Variants in COLQ observed in about 807,000 individuals in gnomAD.
COLQ encodes acetylcholinesterase collagenic tail peptide.
A neutral mutation model predicts 69.0 loss-of-function variants in COLQ; 48 were observed. The observed-to-expected ratio is 0.70, with a 90% CI of 0.55 to 0.88. The LOEUF is 0.88. Among genes scored for constraint, COLQ ranks in the 40% least tolerant of loss-of-function variants. COLQ has a pLI of 0.00. For synonymous variants in COLQ, 217 were observed against 211.2 expected (o/e 1.03, Z -0.24); for missense variants, 618 against 594.6 (o/e 1.04, Z -0.41).
chr3:15,460,206 G>A (rs1375040828), intron 12 of COLQ, among the ~76,000 whole-genome samples: 2 of 152,208 alleles, frequency 1.3e-5, no homozygotes, highest in East Asian at 1.9e-4. Context: ...GCTAGTGCCT[G>A]TTTTCATCCA....
intron 1 of COLQ, among the ~76,000 whole-genome samples, chr3:15,519,158 AC>A (rs74662695): frequency 0.096 from 14,560 of 151,984 alleles, 944 homozygotes; most frequent in East Asian, 0.33. Flanking sequence ...TGAGCTGGTT[AC>A]CTTAGTGATT....
Position 15,517,294 on chromosome 3 carries a change from T to G in COLQ, c.106+4226A>C, listed in dbSNP as rs1024344803. Among the ~76,000 whole-genome samples, 5 of 152,248 alleles carry G rather than the reference T, an allele frequency of 3.3e-5. No homozygotes were observed. The South Asian group carries it at 8.3e-4, about 25-fold the overall frequency. On this transcript the variant is annotated intron_variant, in intron 1 of 16. Coordinates refer to ENST00000383788, the MANE Select transcript of COLQ (RefSeq NM_005677.4). ...AGCCCTGGACTTAAAGAAGCAGGATTTCAGTCTCCAGCTCTCCCACATAAC... is the reference window on the plus strand; with the variant it reads ...AGCCCTGGACTTAAAGAAGCAGGATGTCAGTCTCCAGCTCTCCCACATAAC...
intron 16 of COLQ, 23 bp from the exon 17 acceptor site, chr3:15,451,736 C>A (rs1195864000): frequency 6.2e-7 from 1 of 1,606,052 alleles, no homozygotes; most frequent in Non-Finnish European, 8.5e-7. Flanking sequence ...AAGACACGTT[C>A]TAAAAGGCCA....
In COLQ at chr3:15,451,562, G is replaced by A. The variant is rs1265225968; in HGVS notation, c.*82C>T. ...GTCACACAAAGGTTGGTGGAGACGGGGCCAGGACATGGCCAGTTTGATGAC... is the reference window on the plus strand; with the variant it reads ...GTCACACAAAGGTTGGTGGAGACGGAGCCAGGACATGGCCAGTTTGATGAC... On this transcript the variant is annotated 3_prime_UTR_variant, in exon 17 of 17. Transcript: ENST00000383788. The A allele has an allele frequency of 2.3e-6, 3 of 1,312,396 alleles. No homozygotes were observed. The Admixed American group carries it at 5.0e-5, about 22-fold the overall frequency. The allele number at this position is 1,312,396 out of a possible 1,614,324, so 81.3% of individuals were successfully genotyped here.
intron 1 of COLQ, among the ~76,000 whole-genome samples, chr3:15,510,493 A>G (rs1286625207): frequency 6.7e-6 from 1 of 149,144 alleles, no homozygotes; most frequent in Non-Finnish European, 1.5e-5. Context: ...TGGATCGCTG[A>G]CCCCAGGAGT....
intron 13 of COLQ, among the ~76,000 whole-genome samples, chr3:15,456,914 C>T (rs964590865): frequency 2.6e-5 from 4 of 152,004 alleles, no homozygotes; most frequent in African/African-American, 7.2e-5. Context: ...CCTCTGCCTC[C>T]CGGGTTCAAG....
At chr3:15,459,791 T>TTTATTATTA (rs3067773) in intron 12 of COLQ, among the ~76,000 whole-genome samples, 127 of 150,102 alleles carry the variant, frequency 8.5e-4, no homozygotes, top group African/African-American at 2.9e-3. Flanking sequence ...GCACCCATAT[T>TTTATTATTA]TTATTATTAT....
At chr3:15,490,778 C>A (rs1422684541) in intron 1 of COLQ, among the ~76,000 whole-genome samples, 2 of 152,214 alleles carry the variant, frequency 1.3e-5, no homozygotes, top group African/African-American at 4.8e-5. Flanking sequence ...CATTAGCTGG[C>A]CAGAATGTAA....
In COLQ at chr3:15,450,134, G is replaced by A. The variant is rs1226980306; in HGVS notation, c.*1510C>T. On this transcript the variant is annotated 3_prime_UTR_variant, in exon 17 of 17. Transcript: ENST00000383788. The stretch of plus-strand genomic sequence containing the variant: ...CACCAACGGAAGAGAGAGCCACAGT[G>A]GGGAAATGAACTGCCTTTATTTTTT... 1 of 153,166 alleles carries A rather than the reference G, an allele frequency of 6.5e-6. No individual in the cohort carries two copies. The highest frequency in any genetic ancestry group is 6.5e-5 in the Admixed American group (1 of 15,282). The allele number at this position is 153,166 out of a possible 1,614,324, so 9.5% of individuals were successfully genotyped here.
Position 15,474,233 on chromosome 3 carries a change from C to T in COLQ, c.595G>A (p.Glu199Lys). The change falls in exon 9 of 17, where the codon GAA (glutamate) becomes AAA (lysine). Residue 199 changes from glutamate (E) to lysine (K), a missense_variant. Coordinates refer to ENST00000383788, the MANE Select transcript of COLQ (RefSeq NM_005677.4). ...GGAAAGGTTTTCTCCATTACCTTTT[C>T]TCCTTTGGGACCCAGGTCACCCTTT... is the stretch of plus-strand genomic sequence containing the variant. ...GEKGDLGPKG[E>K]KGFPGFPGML... 1 of 1,614,102 alleles carries T rather than the reference C, an allele frequency of 6.2e-7. No individual in the cohort carries two copies. Among genetic ancestry groups the T allele is most frequent in the Non-Finnish European group, 8.5e-7 (1 of 1,179,942 alleles).
chr3:15,455,040 T>C (rs531425517), intron 15 of COLQ, among the ~76,000 whole-genome samples: 94 of 152,242 alleles, frequency 6.2e-4, no homozygotes, highest in African/African-American at 2.2e-3. Flanking sequence ...GCCTGGATCT[T>C]TAGAGCAGGG....
At chr3:15,508,131 T>A (rs564793746) in intron 1 of COLQ, among the ~76,000 whole-genome samples, 3 of 152,324 alleles carry the variant, frequency 2.0e-5, no homozygotes, top group African/African-American at 7.2e-5. Context: ...ACAAGGTTTT[T>A]TCTAATCATT....
At chr3:15,462,597 T>C (rs1455506655) in intron 12 of COLQ, among the ~76,000 whole-genome samples, 1 of 152,162 alleles carries the variant, frequency 6.6e-6, no homozygotes, top group Admixed American at 6.5e-5. Flanking sequence ...GAAGCAGCCC[T>C]GTCCACCCAC....
At chr3:15,475,811 C>G (rs2305614) in intron 6 of COLQ, among the ~76,000 whole-genome samples, 61,097 of 151,886 alleles carry the variant, frequency 0.4, 12,379 homozygotes, top group East Asian at 0.49. Context: ...GGGGGCATGA[C>G]GGAACTGGGG....
chr3:15,502,486 G>A (rs2062845123), intron 1 of COLQ, among the ~76,000 whole-genome samples: 2 of 152,012 alleles, frequency 1.3e-5, no homozygotes. Context: ...CACAATCCTG[G>A]CTCACTGCAA....
intron 1 of COLQ, among the ~76,000 whole-genome samples, chr3:15,514,426 G>A (rs1030096944): frequency 5.3e-5 from 8 of 152,152 alleles, no homozygotes; most frequent in African/African-American, 1.4e-4. Flanking sequence ...CATGCTGGCC[G>A]TAGTTCAGTG....
chr3:15,461,505 A>G (rs886429719), intron 12 of COLQ, among the ~76,000 whole-genome samples: 4 of 152,300 alleles, frequency 2.6e-5, no homozygotes, highest in Admixed American at 6.5e-5. Context: ...CACCCCCTGC[A>G]GCCAGAGGAC....
intron 1 of COLQ, chr3:15,498,679 C>T: frequency 1.3e-6 from 2 of 1,549,500 alleles, no homozygotes; most frequent in Non-Finnish European, 1.7e-6. Context: ...CAGTGCCTGG[C>T]CTGTTTGGCA....
intron 1 of COLQ, among the ~76,000 whole-genome samples, chr3:15,504,641 T>C (rs192359000): frequency 6.6e-6 from 1 of 152,286 alleles, no homozygotes; most frequent in Admixed American, 6.5e-5. Context: ...GGTAGATCAC[T>C]TGAGGTGAGG....
Sources: allele counts gnomAD v4.1 joint callset (sites outside exome capture counted in the v4.1 genomes callset), GRCh38; gene constraint gnomAD v4.1.1; transcripts MANE v1.5; gene names NCBI Gene and HGNC (gene_info 2026-07-23, HGNC 2026-07-21).